The following ISX variants were observed in gnomAD, a reference collection of about 807,000 sequenced individuals.
ISX encodes the protein intestine specific homeobox.
A neutral mutation model predicts 16.9 loss-of-function variants in ISX; 15 were observed. The observed-to-expected ratio is 0.89, with a 90% CI of 0.59 to 1.36. ISX has a LOEUF of 1.36. ISX is among the 40% of genes most tolerant of loss of function. The probability of loss-of-function intolerance (pLI) is 0.00; values close to 1 mark genes in which losing one functional copy is unlikely to be tolerated. For missense variants in ISX, 316 were observed against 306.1 expected, an observed-to-expected ratio of 1.03 and a Z score of -0.24; for synonymous variants, 125 against 119.7, an observed-to-expected ratio of 1.04 and a Z score of -0.29.
In ISX at chr22:35,066,940, A is replaced by T. The variant is rs991651032; in HGVS notation, c.-148A>T. The T allele has an allele frequency of 1.6e-6, 1 of 617,362 alleles. No homozygotes were observed. Among genetic ancestry groups the T allele is most frequent in the Admixed American group, 2.9e-5 (1 of 34,736 alleles). The allele number at this position is 617,362 out of a possible 1,614,324, so 38.2% of individuals were successfully genotyped here. A position where few individuals can be genotyped will look rare whatever the true frequency, so the allele number is the denominator to read the frequency against. On this transcript the variant is annotated 5_prime_UTR_variant, in exon 2 of 5. Coordinates refer to ENST00000404699, the MANE Select transcript of ISX (RefSeq NM_001303508.2). Reference sequence around the variant, plus strand: ...CCTGCCCATGGAAGTCCCTGTGGACACGAAATCCTGTTTGGATCATCTAAC... The same window carrying T: ...CCTGCCCATGGAAGTCCCTGTGGACTCGAAATCCTGTTTGGATCATCTAAC...
At chr22:35,067,857 G>A (rs1048680959) in intron 2 of ISX, among the ~76,000 whole-genome samples, 2 of 152,172 alleles carry the variant, frequency 1.3e-5, no homozygotes, top group African/African-American at 2.4e-5. Flanking sequence ...CCCAGGGGCC[G>A]AAGCTTTGGC....
chr22:35,071,207 G>A (rs547359189), intron 2 of ISX, among the ~76,000 whole-genome samples: 25 of 152,242 alleles, frequency 1.6e-4, no homozygotes, highest in African/African-American at 4.3e-4. Context: ...ATGCTTTGGT[G>A]TCTTTGCCAT....
chr22:35,070,881 G>A (rs1928833778), intron 2 of ISX, among the ~76,000 whole-genome samples: 1 of 152,188 alleles, frequency 6.6e-6, no homozygotes, highest in South Asian at 2.1e-4. Flanking sequence ...AAGCTTTGAT[G>A]GTCAGATGGT....
At chr22:35,078,883 C>G (rs750797866) in intron 2 of ISX, among the ~76,000 whole-genome samples, 1 of 152,190 alleles carries the variant, frequency 6.6e-6, no homozygotes, top group Admixed American at 6.5e-5. Context: ...ATCCCAGAGA[C>G]GGAGGATTAC....
chr22:35,084,345 A>G, intron 3 of ISX, 38 bp from the exon 4 acceptor site: 1 of 1,415,532 alleles, frequency 7.1e-7, no homozygotes, highest in Non-Finnish European at 1.0e-6. Context: ...GATGGAGGAA[A>G]ACTCTTGCTT....
intron 2 of ISX, among the ~76,000 whole-genome samples, chr22:35,075,733 G>A (rs1928964026): frequency 6.6e-6 from 1 of 152,158 alleles, no homozygotes; most frequent in African/African-American, 2.4e-5. Context: ...CACAGGTATG[G>A]AAGATGCAAG....
chr22:35,073,364 G>A (rs182296747), intron 2 of ISX, among the ~76,000 whole-genome samples: 2 of 152,264 alleles, frequency 1.3e-5, no homozygotes, highest in South Asian at 2.1e-4. Flanking sequence ...GGTGGGTGGG[G>A]AAATGGTTTC....
intron 2 of ISX, among the ~76,000 whole-genome samples, chr22:35,075,723 C>A (rs1928963703): frequency 6.6e-6 from 1 of 151,900 alleles, no homozygotes; most frequent in Non-Finnish European, 1.5e-5. Flanking sequence ...AAAGTGAGAC[C>A]ACAGGTATGG....
In ISX at chr22:35,067,269, C is replaced by T. The variant is rs755194255; in HGVS notation, c.182C>T (p.Ala61Val). ...GGTGAAGAGGGCCCCGGAGAAGCTGCGGCCTCAGGCTCTGGGCTAGAAAAG... is the reference window on the plus strand; with the variant it reads ...GGTGAAGAGGGCCCCGGAGAAGCTGTGGCCTCAGGCTCTGGGCTAGAAAAG... ...GPGEEGPGEA[A>V]ASGSGLEKPP... Residue 61 changes from alanine (A) to valine (V), a missense_variant, in exon 2 of 5, where the codon GCG (alanine) becomes GTG (valine). Physicochemically the swap from Ala to Val is moderately conservative, Grantham distance 64. Coordinates refer to ENST00000404699, the MANE Select transcript of ISX (RefSeq NM_001303508.2). The T allele has an allele frequency of 1.6e-5, 25 of 1,595,834 alleles. No individual in the cohort carries two copies. The highest frequency in any genetic ancestry group is 9.1e-5 in the South Asian group (8 of 87,836).
chr22:35,079,348 TACAAAGTTTTAG>T (rs1169340750), intron 2 of ISX, among the ~76,000 whole-genome samples: 12 of 152,220 alleles, frequency 7.9e-5, no homozygotes, highest in African/African-American at 2.9e-4. Context: ...TCTGACATTG[TACAAAGTTTTAG>T]ACGAATCCTG....
chr22:35,067,270 G>A lies in ISX; in HGVS notation c.183G>A (p.Ala61=), dbSNP rs142318080. ...GPGEEGPGEA[A]ASGSGLEKPP... is the part of the protein sequence containing the mutation. ...GTGAAGAGGGCCCCGGAGAAGCTGC[G>A]GCCTCAGGCTCTGGGCTAGAAAAGC... The change falls in exon 2 of 5, where the codon GCG becomes GCA. Residue 61 remains alanine, a synonymous_variant. Coordinates refer to ENST00000404699, the MANE Select transcript of ISX (RefSeq NM_001303508.2). The A allele has an allele frequency of 1.3e-5, 20 of 1,596,350 alleles. No homozygotes were observed. The East Asian group carries it at 1.6e-4, about 13-fold the overall frequency.
chr22:35,083,892 G>T (rs1929182284), intron 3 of ISX, among the ~76,000 whole-genome samples: 1 of 152,266 alleles, frequency 6.6e-6, no homozygotes, highest in Non-Finnish European at 1.5e-5. Context: ...GCAGGGAGCT[G>T]CCAATATTCA....
chr22:35,085,426 T>C, intron 4 of ISX, 28 bp from the exon 5 acceptor site: 1 of 1,613,730 alleles, frequency 6.2e-7, no homozygotes, highest in Non-Finnish European at 8.5e-7. Flanking sequence ...AGGACTCACT[T>C]CTCTCTCCTG....
chr22:35,075,897 C>T (rs1214709329), intron 2 of ISX, among the ~76,000 whole-genome samples: 1 of 152,002 alleles, frequency 6.6e-6, no homozygotes, highest in Non-Finnish European at 1.5e-5. Context: ...TTTATTTACA[C>T]AAGAAGTTCC....
At chr22:35,085,369 C>G in intron 4 of ISX, 85 bp from the exon 5 acceptor site, 1 of 1,540,076 alleles carries the variant, frequency 6.5e-7, no homozygotes. Flanking sequence ...CCACTCTTAG[C>G]TGCCCAAGCC....
At chr22:35,082,404 G>T in intron 2 of ISX, 114 bp from the exon 3 acceptor site, 1 of 1,006,736 alleles carries the variant, frequency 9.9e-7, no homozygotes. Flanking sequence ...AGAAGCCAGG[G>T]GCCAAGGCTC....
intron 2 of ISX, among the ~76,000 whole-genome samples, chr22:35,071,793 C>A (rs1434989465): frequency 6.6e-6 from 1 of 152,178 alleles, no homozygotes; most frequent in African/African-American, 2.4e-5. Context: ...CTGGGTCAGG[C>A]GCCTCTGGAG....
chr22:35,085,422 C>T, intron 4 of ISX, 32 bp from the exon 5 acceptor site: 1 of 1,613,538 alleles, frequency 6.2e-7, no homozygotes, highest in Non-Finnish European at 8.5e-7. Context: ...GCTTAGGACT[C>T]ACTTCTCTCT....
intron 2 of ISX, among the ~76,000 whole-genome samples, chr22:35,081,177 A>T (rs182257670): frequency 6.6e-6 from 1 of 152,360 alleles, no homozygotes; most frequent in East Asian, 1.9e-4. Flanking sequence ...GAATCAGCAG[A>T]TGTTAGAATT....
Sources: allele counts gnomAD v4.1 joint callset (sites outside exome capture counted in the v4.1 genomes callset), GRCh38; gene constraint gnomAD v4.1.1; transcripts MANE v1.5; gene names NCBI Gene and HGNC (gene_info 2026-07-23, HGNC 2026-07-21).